NAALADL2: variants seen among roughly 807,000 people sequenced by gnomAD.
NAALADL2 encodes the protein N-acetylated alpha-linked acidic dipeptidase like 2.
NAALADL2 carries 76 observed loss-of-function variants against 87.2 expected under a neutral mutation model. The ratio of observed to expected loss-of-function variants is 0.87; its 90% CI spans 0.72 to 1.05. The LOEUF is 1.05. Ranked by LOEUF, NAALADL2 falls within the 50% of genes least tolerant of loss-of-function variation. The pLI is 0.00. For synonymous variants in NAALADL2, 354 were observed against 331.0 expected (o/e 1.07, Z -0.75); for missense variants, 1,089 against 945.8 (o/e 1.15, Z -1.99).
At chr3:175,294,544 A>G (rs948130406) in intron 4 of NAALADL2, among the ~76,000 whole-genome samples, 2 of 152,170 alleles carry the variant, frequency 1.3e-5, no homozygotes, top group African/African-American at 4.8e-5. Context: ...TAAAGATATG[A>G]CCTATTGCTT....
intron 2 of NAALADL2, among the ~76,000 whole-genome samples, chr3:174,588,788 C>CT (rs1717021709): frequency 6.6e-6 from 1 of 152,182 alleles, no homozygotes; most frequent in Non-Finnish European, 1.5e-5. Context: ...TCGGCCCCTA[C>CT]TGGGGGGTGC....
chr3:175,131,535 T>A (rs1284823852), intron 2 of NAALADL2, among the ~76,000 whole-genome samples: 1 of 152,076 alleles, frequency 6.6e-6, no homozygotes, highest in Non-Finnish European at 1.5e-5. Flanking sequence ...GTCTCCCATG[T>A]CTACCTCTTT....
chr3:174,979,051 T>C (rs993574222), intron 1 of NAALADL2, among the ~76,000 whole-genome samples: 1 of 152,142 alleles, frequency 6.6e-6, no homozygotes, highest in Non-Finnish European at 1.5e-5. Context: ...AGAAAAGATG[T>C]TGCCTATTTA....
chr3:175,097,267 C>G lies in NAALADL2; in HGVS notation c.521C>G (p.Ala174Gly), dbSNP rs781228443. 60 of 1,610,410 alleles carry G rather than the reference C, an allele frequency of 3.7e-5. No individual in the cohort carries two copies. The highest frequency in any genetic ancestry group is 4.8e-5 in the Non-Finnish European group (57 of 1,178,122). Reference sequence around the variant, plus strand: ...CAAGAGATTCTCAAGACAATCCAGGCAGAAGATATTAAGAAGTCTTTCAGG... The same window carrying G: ...CAAGAGATTCTCAAGACAATCCAGGGAGAAGATATTAAGAAGTCTTTCAGG... Reference protein sequence around the residue: ...LYQEILKTIQAEDIKKSFRNL... With the variant: ...LYQEILKTIQGEDIKKSFRNL... Residue 174 changes from alanine (A) to glycine (G), a missense_variant, in exon 2 of 14, where the codon GCA (alanine) becomes GGA (glycine). Ala to Gly is a moderately conservative substitution (Grantham distance 60). Coordinates refer to ENST00000454872, the MANE Select transcript of NAALADL2 (RefSeq NM_207015.3).
At chr3:175,191,416 A>G (rs915033747) in intron 2 of NAALADL2, among the ~76,000 whole-genome samples, 2 of 152,340 alleles carry the variant, frequency 1.3e-5, no homozygotes. Context: ...CAATATTTGT[A>G]TAAAGGGTAA....
At chr3:174,606,104 A>G (rs947220917) in intron 2 of NAALADL2, among the ~76,000 whole-genome samples, 4 of 152,222 alleles carry the variant, frequency 2.6e-5, no homozygotes, top group African/African-American at 7.2e-5. Context: ...CCTGCAGCTG[A>G]GGGTCCTCTC....
At chr3:175,352,354 T>C (rs1763868216) in intron 5 of NAALADL2, among the ~76,000 whole-genome samples, 1 of 152,046 alleles carries the variant, frequency 6.6e-6, no homozygotes, top group South Asian at 2.1e-4. Flanking sequence ...CAACAAAAAA[T>C]GGAGTTGGAC....
chr3:175,262,190 C>G (rs1751152420), intron 4 of NAALADL2, among the ~76,000 whole-genome samples: 1 of 151,810 alleles, frequency 6.6e-6, no homozygotes, highest in Admixed American at 6.6e-5. Context: ...ATAAGAAATC[C>G]TCTAGTTTTG....
At chr3:175,647,973 A>G (rs79820039) in intron 11 of NAALADL2, among the ~76,000 whole-genome samples, 1,908 of 152,334 alleles carry the variant, frequency 0.013, 44 homozygotes, top group African/African-American at 0.043. Context: ...GGGTACCCCC[A>G]GTAGATCTTT....
chr3:175,027,887 A>C (rs1752398343), intron 1 of NAALADL2, among the ~76,000 whole-genome samples: 1 of 151,700 alleles, frequency 6.6e-6, no homozygotes, highest in African/African-American at 2.4e-5. Context: ...GGTAAAGAAA[A>C]ATGCTTCTAT....
At chr3:174,605,888 A>G (rs371238958) in intron 2 of NAALADL2, among the ~76,000 whole-genome samples, 1 of 152,176 alleles carries the variant, frequency 6.6e-6, no homozygotes, top group Non-Finnish European at 1.5e-5. Flanking sequence ...CTGACCCCTG[A>G]TCCCCGAGCA....
chr3:175,593,889 C>G (rs1458117926), intron 10 of NAALADL2, among the ~76,000 whole-genome samples: 1 of 152,008 alleles, frequency 6.6e-6, no homozygotes, highest in African/African-American at 2.4e-5. Flanking sequence ...ACCAATTCAA[C>G]CTGTGACAAA....
At chr3:174,669,017 C>G (rs1213323013) in intron 2 of NAALADL2, among the ~76,000 whole-genome samples, 2 of 152,124 alleles carry the variant, frequency 1.3e-5, no homozygotes, top group Non-Finnish European at 2.9e-5. Flanking sequence ...AATGGTTGAA[C>G]TAGTTTATAG....
intron 2 of NAALADL2, among the ~76,000 whole-genome samples, chr3:174,718,103 A>G (rs1158681734): frequency 2.0e-5 from 3 of 152,090 alleles, no homozygotes; most frequent in African/African-American, 7.2e-5. Flanking sequence ...TAAGACCTAT[A>G]TTGTGTCTCA....
At chr3:175,340,429 G>A (rs961055345) in intron 5 of NAALADL2, among the ~76,000 whole-genome samples, 3 of 152,112 alleles carry the variant, frequency 2.0e-5, no homozygotes, top group Admixed American at 2.0e-4. Context: ...TCTATTTACA[G>A]CTGACAGATG....
At position 175,069,528 on chromosome 3, in the gene NAALADL2, A is replaced by C. The variant is rs1246323349; in HGVS notation, c.44-27262A>C. On this transcript the variant is annotated intron_variant, in intron 1 of 13. Transcript: ENST00000454872. ...CAGGAAACAACAGGTGCTGGAGAGG[A>C]TGTGGAGAAATAGGAACACTTTTAC... Among the ~76,000 whole-genome samples the C allele has an allele frequency of 2.3e-3, 352 of 150,160 alleles. 1 individual carries two copies. The highest frequency in any genetic ancestry group is 8.4e-3 in the African/African-American group (336 of 40,182).
At chr3:175,526,852 C>G (rs954172962) in intron 9 of NAALADL2, among the ~76,000 whole-genome samples, 1 of 152,026 alleles carries the variant, frequency 6.6e-6, no homozygotes, top group Admixed American at 6.6e-5. Context: ...TTGGGTGAAT[C>G]CACTTTCAGA....
At chr3:175,068,110 G>T (rs1055845016) in intron 1 of NAALADL2, among the ~76,000 whole-genome samples, 22 of 151,974 alleles carry the variant, frequency 1.4e-4, no homozygotes, top group Admixed American at 1.3e-3. Flanking sequence ...GGAAGGTGGG[G>T]CAAAGGCTGA....
intron 1 of NAALADL2, among the ~76,000 whole-genome samples, chr3:174,455,498 A>G (rs1178388185): frequency 1.3e-5 from 2 of 152,182 alleles, no homozygotes; most frequent in African/African-American, 4.8e-5. Flanking sequence ...GACAGAGTAT[A>G]GCAGTACATC....
Sources: gnomAD v4.1 joint callset for allele counts (sites outside exome capture counted in the v4.1 genomes callset) on GRCh38, gnomAD v4.1.1 for gene constraint, MANE v1.5 for transcripts, NCBI Gene and HGNC (gene_info 2026-07-23, HGNC 2026-07-21) for gene names.